The following QTMAN variants were observed in gnomAD, a reference collection of about 807,000 sequenced individuals.
QTMAN encodes the protein tRNA-queuosine alpha-mannosyltransferase.
the QTMAN span, among the ~76,000 whole-genome samples, chr2:143,999,099 A>G: frequency 6.6e-6 from 1 of 151,998 alleles, no homozygotes; most frequent in Admixed American, 6.6e-5. Flanking sequence ...CCCCCTAAAC[A>G]AAAAAGTTTC....
chr2:143,960,934 A>T, the QTMAN span, among the ~76,000 whole-genome samples: 2 of 152,156 alleles, frequency 1.3e-5, no homozygotes, highest in Admixed American at 1.3e-4. Flanking sequence ...TGGGAATTTT[A>T]AGTCTGCATT....
At chr2:144,004,474 C>G in the QTMAN span, among the ~76,000 whole-genome samples, 1 of 151,902 alleles carries the variant, frequency 6.6e-6, no homozygotes, top group South Asian at 2.1e-4. Flanking sequence ...TTTTTATGAG[C>G]AAATTTACAT....
the QTMAN span, among the ~76,000 whole-genome samples, chr2:144,223,331 T>C: frequency 3.3e-5 from 5 of 152,262 alleles, no homozygotes; most frequent in East Asian, 9.6e-4. Context: ...ATTTTATCTA[T>C]TTAGATGGGT....
chr2:143,990,486 A>C, the QTMAN span, among the ~76,000 whole-genome samples: 2 of 152,200 alleles, frequency 1.3e-5, no homozygotes, highest in African/African-American at 2.4e-5. Context: ...TTGCACTGAG[A>C]AAGACTGGAA....
At chr2:144,098,676 C>T in the QTMAN span, among the ~76,000 whole-genome samples, 1 of 151,090 alleles carries the variant, frequency 6.6e-6, no homozygotes, top group Non-Finnish European at 1.5e-5. Context: ...GATCGCACCA[C>T]TGCACTCCAG....
chr2:143,961,487 T>C, the QTMAN span, among the ~76,000 whole-genome samples: 1 of 152,312 alleles, frequency 6.6e-6, no homozygotes, highest in Non-Finnish European at 1.5e-5. Flanking sequence ...ATTTGTCTAG[T>C]AATGTCGATC....
the QTMAN span, among the ~76,000 whole-genome samples, chr2:144,042,439 G>C: frequency 2.0e-5 from 3 of 152,012 alleles, no homozygotes; most frequent in Non-Finnish European, 2.9e-5. Context: ...AGAAAGAGGA[G>C]AGGAATAAAA....
At chr2:144,004,824 T>C in the QTMAN span, among the ~76,000 whole-genome samples, 1 of 152,082 alleles carries the variant, frequency 6.6e-6, no homozygotes, top group Non-Finnish European at 1.5e-5. Flanking sequence ...ATTTATCTGT[T>C]GTCAGCACAG....
chr2:144,223,549 G>GA, the QTMAN span, among the ~76,000 whole-genome samples: 1 of 152,118 alleles, frequency 6.6e-6, no homozygotes, highest in Non-Finnish European at 1.5e-5. Flanking sequence ...TTTATAGTGA[G>GA]AAAAAATGAG....
chr2:144,154,494 G>C, the QTMAN span, among the ~76,000 whole-genome samples: 2 of 152,306 alleles, frequency 1.3e-5, no homozygotes, highest in Non-Finnish European at 2.9e-5. Context: ...ATCCTGGTTT[G>C]GAGGAGAAAT....
At chr2:144,201,408 A>T in the QTMAN span, among the ~76,000 whole-genome samples, 1 of 152,288 alleles carries the variant, frequency 6.6e-6, no homozygotes, top group South Asian at 2.1e-4. Flanking sequence ...ACAGGGGAGG[A>T]GATGATGTTG....
chr2:143,940,862 C>G, the QTMAN span: 1 of 152,262 alleles, frequency 6.6e-6, no homozygotes, highest in Non-Finnish European at 1.5e-5. Context: ...AGAAATATCA[C>G]AAGTGCCACA....
the QTMAN span, among the ~76,000 whole-genome samples, chr2:144,331,333 T>C: frequency 6.6e-6 from 1 of 152,194 alleles, no homozygotes; most frequent in East Asian, 1.9e-4. Context: ...AATGGCTCTA[T>C]TGAATTGTAC....
the QTMAN span, among the ~76,000 whole-genome samples, chr2:144,179,450 C>T: frequency 6.6e-6 from 1 of 152,138 alleles, no homozygotes; most frequent in Non-Finnish European, 1.5e-5. Context: ...TTTTCATGTT[C>T]AACCTTGATT....
At chr2:144,187,991 A>G in the QTMAN span, among the ~76,000 whole-genome samples, 3 of 152,064 alleles carry the variant, frequency 2.0e-5, no homozygotes, top group East Asian at 5.8e-4. Context: ...GCAGCTTACA[A>G]GCCAAAAAGA....
At chr2:143,939,440 C>CGT in the QTMAN span, 3 of 152,200 alleles carry the variant, frequency 2.0e-5, no homozygotes, top group African/African-American at 7.2e-5. Flanking sequence ...TGGCATCACA[C>CGT]ATCTATGTGG....
chr2:144,131,750 T>C, the QTMAN span, among the ~76,000 whole-genome samples: 1 of 151,968 alleles, frequency 6.6e-6, no homozygotes, highest in South Asian at 2.1e-4. Context: ...AGAAATAACA[T>C]GGCATTAATA....
the QTMAN span, among the ~76,000 whole-genome samples, chr2:144,151,270 T>C: frequency 6.6e-6 from 1 of 152,306 alleles, no homozygotes; most frequent in Non-Finnish European, 1.5e-5. Flanking sequence ...TGATTTTTTA[T>C]TACGCTTCAT....
At chr2:144,053,764 G>A in the QTMAN span, among the ~76,000 whole-genome samples, 3 of 152,142 alleles carry the variant, frequency 2.0e-5, no homozygotes, top group African/African-American at 7.2e-5. Flanking sequence ...CAGATTGAGG[G>A]TCTACAAACA....
Sources: allele counts gnomAD v4.1 joint callset (sites outside exome capture counted in the v4.1 genomes callset), GRCh38; gene constraint gnomAD v4.1.1; transcripts MANE v1.5; gene names NCBI Gene and HGNC (gene_info 2026-07-23, HGNC 2026-07-21).